Variants in CASZ1 observed in about 807,000 individuals in gnomAD.
The protein encoded by CASZ1 is zinc finger protein castor homolog 1.
A neutral mutation model predicts 135.2 loss-of-function variants in CASZ1; 28 were observed. That is an observed-to-expected ratio of 0.21 (90% CI 0.15 to 0.28). The LOEUF is 0.28. Ranked by LOEUF, CASZ1 falls within the 10% of genes least tolerant of loss-of-function variation. CASZ1 has a pLI of 1.00. For missense variants in CASZ1, 2,161 were observed against 2,453.3 expected (o/e 0.88, Z 2.52); for synonymous variants, 1,068 against 1,073.4 (o/e 0.99, Z 0.10).
chr1:10,643,118 C>T, intron 19 of CASZ1, 42 bp downstream of exon 19: 1 of 1,603,524 alleles, frequency 6.2e-7, no homozygotes, highest in Non-Finnish European at 8.5e-7. Context: ...ATGATGCGTT[C>T]CCGCCACCCT....
At position 10,653,638 on chromosome 1, in the gene CASZ1, C is replaced by T; in HGVS notation, c.2419G>A (p.Gly807Ser). 1 of 1,550,092 alleles carries T rather than the reference C, an allele frequency of 6.5e-7. No homozygotes were observed. ...TPTPYFPILA[G>S]RGSTSLPVGT... Reference sequence around the variant, plus strand: ...ACAGGCAGGGAGGTGCTCCCACGGCCAGCCAGTATGGGGAAGTAGGGCGTG... The same window carrying T: ...ACAGGCAGGGAGGTGCTCCCACGGCTAGCCAGTATGGGGAAGTAGGGCGTG... The change falls in exon 11 of 21, where the codon GGC becomes AGC. Residue 807 changes from glycine (G) to serine (S), a missense_variant. Physicochemically the swap from Gly to Ser is moderately conservative, Grantham distance 56. Transcript: ENST00000377022.
At position 10,776,960 on chromosome 1, in the gene CASZ1, G is replaced by A. The variant is rs1055070646; in HGVS notation, c.-233-16103C>T. 2.0e-5 allele frequency among the ~76,000 whole-genome samples: 3 copies of A among 152,120 alleles called. No homozygotes were observed. Among genetic ancestry groups the A allele is most frequent in the Non-Finnish European group, 4.4e-5 (3 of 68,024 alleles). On this transcript the variant is annotated intron_variant, in intron 1 of 20. Coordinates refer to ENST00000377022, the MANE Select transcript of CASZ1 (RefSeq NM_001079843.3). The surrounding 1 kb of genome is among the most constrained non-coding windows in gnomAD (Gnocchi z 4.1). The stretch of plus-strand genomic sequence containing the variant: ...CCCTAGGAGGGTCCCTTTACTTCCT[G>A]CAACTGGAGGAAGCATCATTCCATG...
chr1:10,638,783 G>T lies in CASZ1; in HGVS notation c.*159C>A. ...ACCGCCGCCGCCTGTGTCCTCGGCC[G>T]CGGAGCACCAGAGGGGTCCCCGCCT... On this transcript the variant is annotated 3_prime_UTR_variant, in exon 21 of 21. Coordinates refer to ENST00000377022, the MANE Select transcript of CASZ1 (RefSeq NM_001079843.3). This position sits in a 1 kb window ranked among gnomAD's most constrained non-coding sequence, Gnocchi z 5.9. 1.4e-6 allele frequency: 1 copy of T among 707,624 alleles called. No individual in the cohort carries two copies. Among genetic ancestry groups the T allele is most frequent in the Non-Finnish European group, 1.7e-6 (1 of 576,546 alleles). 43.8% of individuals were successfully genotyped at this position (707,624 alleles called of 1,614,324 possible). A position where few individuals can be genotyped will look rare whatever the true frequency, so the allele number is the denominator to read the frequency against.
At chr1:10,688,221 C>T (rs1474605098) in intron 4 of CASZ1, among the ~76,000 whole-genome samples, 11 of 152,126 alleles carry the variant, frequency 7.2e-5, no homozygotes, top group African/African-American at 2.4e-4. Context: ...GGCACAGCAA[C>T]GTCACAGGTC....
Position 10,696,760 on chromosome 1 carries a change from C to A in CASZ1, c.-23-2848G>T, listed in dbSNP as rs1202856609. Among the ~76,000 whole-genome samples the A allele has an allele frequency of 2.0e-5, 3 of 152,316 alleles. 1 individual carries two copies. The highest frequency in any genetic ancestry group is 7.2e-5 in the African/African-American group (3 of 41,552). On this transcript the variant is annotated intron_variant, in intron 3 of 20. Transcript: ENST00000377022. ...GATGGGGAGCTGCTTGCATACGTGA[C>A]CCACACAGCCACTGGCTGGCTCTGA...
chr1:10,712,346 C>G (rs568717012), intron 2 of CASZ1, among the ~76,000 whole-genome samples: 1 of 151,798 alleles, frequency 6.6e-6, no homozygotes, highest in South Asian at 2.1e-4. Flanking sequence ...GACTCTGTCT[C>G]AAATAAATAC....
rs146543405 is a variant in CASZ1 at position 10,710,321 on chromosome 1, C to T, written c.-76-4777G>A. 5.6e-3 allele frequency among the ~76,000 whole-genome samples: 851 copies of T among 152,140 alleles called. 6 individuals carry two copies. The highest frequency in any genetic ancestry group is 0.019 in the African/African-American group (784 of 41,502). ...TGGCCAGGGACTTCAATGGTGAATT[C>T]GAGGCCCTGCCTGACTCTCTCAAGG... On this transcript the variant is annotated intron_variant, in intron 2 of 20. Coordinates refer to ENST00000377022, the MANE Select transcript of CASZ1 (RefSeq NM_001079843.3).
intron 4 of CASZ1, among the ~76,000 whole-genome samples, chr1:10,688,259 G>A (rs980014672): frequency 2.0e-5 from 3 of 152,334 alleles, no homozygotes; most frequent in South Asian, 2.1e-4. Flanking sequence ...CAGCAGGCTC[G>A]CAGCCAGCAG....
chr1:10,655,826 A>G lies in CASZ1; in HGVS notation c.1501-13T>C. On this transcript the variant is annotated splice_polypyrimidine_tract_variant and intron_variant, in intron 8 of 20. Coordinates refer to ENST00000377022, the MANE Select transcript of CASZ1 (RefSeq NM_001079843.3). ...TACTCGTGAACCTCTGCCAGGAGAC[A>G]GCGCCACGTGGGCAGGAGCCTGAGC... 3 of 1,611,632 alleles carry G rather than the reference A, an allele frequency of 1.9e-6. No individual in the cohort carries two copies. The highest frequency in any genetic ancestry group is 1.7e-6 in the Non-Finnish European group (2 of 1,178,026).
At position 10,748,934 on chromosome 1, in the gene CASZ1, C is replaced by A. The variant is rs145089056; in HGVS notation, c.-77+11767G>T. Among the ~76,000 whole-genome samples the A allele has an allele frequency of 1.2e-3, 181 of 152,314 alleles. 2 individuals are homozygous for A. In the East Asian group the frequency reaches 0.03, roughly 25 times the overall value. On this transcript the variant is annotated intron_variant, in intron 2 of 20. Coordinates refer to ENST00000377022, the MANE Select transcript of CASZ1 (RefSeq NM_001079843.3). ...CATCGCCACGTCAGTCTGGTGAGGC[C>A]TCCCTGCCAGGTCCCCCAACTCGCT...
chr1:10,673,894 C>T (rs1399176431), intron 4 of CASZ1, among the ~76,000 whole-genome samples: 1 of 152,186 alleles, frequency 6.6e-6, no homozygotes, highest in East Asian at 1.9e-4. Context: ...TGGGTCTTGC[C>T]CTCCTTGCCC....
rs780113654 is a variant in CASZ1 at position 10,699,962 on chromosome 1, C to T, written c.-24+5530G>A. Among the ~76,000 whole-genome samples, 8 of 150,292 alleles carry T rather than the reference C, an allele frequency of 5.3e-5. No individual in the cohort carries two copies. Among genetic ancestry groups the T allele is most frequent in the Non-Finnish European group, 1.0e-4 (7 of 67,622 alleles). On this transcript the variant is annotated intron_variant, in intron 3 of 20. Transcript: ENST00000377022. The surrounding 1 kb of genome is among the most constrained non-coding windows in gnomAD (Gnocchi z 4.6). ...AAGGTGAGAAGAAACAGAAGAGAAGCAGAGACAGAGAGAGAGAAAGAGAGA... is the reference window on the plus strand; with the variant it reads ...AAGGTGAGAAGAAACAGAAGAGAAGTAGAGACAGAGAGAGAGAAAGAGAGA...
At chr1:10,722,543 C>T (rs1219270978) in intron 2 of CASZ1, among the ~76,000 whole-genome samples, 3 of 152,258 alleles carry the variant, frequency 2.0e-5, no homozygotes, top group African/African-American at 7.2e-5. Context: ...ATCTTCCTAT[C>T]ACCTTCCCAG....
chr1:10,688,689 G>A (rs1454502886), intron 4 of CASZ1, among the ~76,000 whole-genome samples: 1 of 152,168 alleles, frequency 6.6e-6, no homozygotes, highest in African/African-American at 2.4e-5. Context: ...TTCAGGCCTC[G>A]CCTCCCACAT....
chr1:10,646,416 C>A lies in CASZ1; in HGVS notation c.3498-90G>T. 3 of 1,259,960 alleles carry A rather than the reference C, an allele frequency of 2.4e-6. No individual in the cohort carries two copies. Among genetic ancestry groups the A allele is most frequent in the African/African-American group, 1.5e-5 (1 of 68,230 alleles). 78.0% of individuals were successfully genotyped at this position (1,259,960 alleles called of 1,614,324 possible). On this transcript the variant is annotated intron_variant, in intron 16 of 20. Coordinates refer to ENST00000377022, the MANE Select transcript of CASZ1 (RefSeq NM_001079843.3). This position sits in a 1 kb window ranked among gnomAD's most constrained non-coding sequence, Gnocchi z 6.4. ...CTTCACTTGTGTTGGAGTTCACTCCCCCACGACCAGCGGTACCACCAAGAG... is the reference window on the plus strand; with the variant it reads ...CTTCACTTGTGTTGGAGTTCACTCCACCACGACCAGCGGTACCACCAAGAG...
chr1:10,730,297 G>A (rs901678053), intron 2 of CASZ1, among the ~76,000 whole-genome samples: 5 of 152,082 alleles, frequency 3.3e-5, no homozygotes, highest in Non-Finnish European at 7.4e-5. Flanking sequence ...GCCTCCCAAA[G>A]TGCTGGGATT....
chr1:10,651,722 T>C (rs1486832877), intron 11 of CASZ1: 1 of 152,304 alleles, frequency 6.6e-6, no homozygotes, highest in Non-Finnish European at 1.5e-5. Context: ...GACAGGGCCA[T>C]CCAGCGAGCT....
Position 10,774,096 on chromosome 1 carries a change from C to T in CASZ1, c.-233-13239G>A, listed in dbSNP as rs576131291. ...CACAGAGGCCAGGTGCTCCTGGGGT[C>T]CTCCACCGCCAGGCCCACAAGGGGC... On this transcript the variant is annotated intron_variant, in intron 1 of 20. Coordinates refer to ENST00000377022, the MANE Select transcript of CASZ1 (RefSeq NM_001079843.3). This position sits in a 1 kb window ranked among gnomAD's most constrained non-coding sequence, Gnocchi z 4.4. Among the ~76,000 whole-genome samples the T allele has an allele frequency of 6.6e-6, 1 of 152,256 alleles. No homozygotes were observed. The highest frequency in any genetic ancestry group is 2.1e-4 in the South Asian group (1 of 4,830).
intron 1 of CASZ1, among the ~76,000 whole-genome samples, chr1:10,770,302 C>T (rs899901510): frequency 1.3e-5 from 2 of 152,104 alleles, no homozygotes; most frequent in Non-Finnish European, 2.9e-5. Flanking sequence ...CCAGGAGTTT[C>T]TTGAACTCCT....
Sources: allele counts gnomAD v4.1 joint callset (sites outside exome capture counted in the v4.1 genomes callset), GRCh38; gene constraint gnomAD v4.1.1; non-coding constraint Gnocchi (gnomAD v3.1); transcripts MANE v1.5; gene names NCBI Gene and HGNC (gene_info 2026-07-23, HGNC 2026-07-21).